The following DNAH12 variants were observed in gnomAD, a reference collection of about 807,000 sequenced individuals.
DNAH12 encodes axonemal beta dynein heavy chain 12.
In DNAH12, 285 loss-of-function variants were observed where a neutral mutation model predicts 371.5. That is an observed-to-expected ratio of 0.77 (90% CI 0.70 to 0.85). The LOEUF is 0.85. DNAH12 is among the 40% of genes least tolerant of loss of function. DNAH12 has a pLI of 0.00. For missense variants in DNAH12, 3,611 were observed against 3,689.4 expected (o/e 0.98, Z 0.55); for synonymous variants, 1,200 against 1,213.0 (o/e 0.99, Z 0.22).
At chr3:57,323,382 T>TA in intron 63 of DNAH12, 87 bp downstream of exon 63, 2 of 1,467,852 alleles carry the variant, frequency 1.4e-6, no homozygotes, top group Non-Finnish European at 1.8e-6. Context: ...TCAGATTTAC[T>TA]AACTGATTTA....
At chr3:57,543,315 G>GTTTT (rs5849214) in intron 1 of DNAH12, among the ~76,000 whole-genome samples, 7,249 of 70,270 alleles carry the variant, frequency 0.1, 874 homozygotes, top group African/African-American at 0.12. Context: ...ATCATTAATG[G>GTTTT]TTTTTTTTTT....
intron 11 of DNAH12, among the ~76,000 whole-genome samples, chr3:57,495,872 T>C (rs1233330707): frequency 6.9e-6 from 1 of 143,886 alleles, no homozygotes; most frequent in South Asian, 2.1e-4. Context: ...TATAAATATA[T>C]ATTTTTAAAA....
chr3:57,519,944 T>G (rs930933590), intron 4 of DNAH12: 37 of 885,028 alleles, frequency 4.2e-5, no homozygotes, highest in Non-Finnish European at 6.9e-5. Context: ...CCTCCCGACT[T>G]GGAGCCTGCG....
intron 60 of DNAH12, among the ~76,000 whole-genome samples, chr3:57,336,361 C>T (rs1553653706): frequency 6.6e-6 from 1 of 152,026 alleles, no homozygotes; most frequent in Non-Finnish European, 1.5e-5. Flanking sequence ...TTATCATAAA[C>T]ATGCTGAAGG....
intron 23 of DNAH12, 122 bp from the exon 24 acceptor site, chr3:57,453,525 G>A (rs2065817907): frequency 2.3e-6 from 2 of 863,328 alleles, no homozygotes; most frequent in Non-Finnish European, 3.2e-6. Context: ...ATAGAAATGA[G>A]TTCAAGCGTG....
chr3:57,350,661 A>C (rs1321398145), intron 60 of DNAH12, among the ~76,000 whole-genome samples: 2 of 152,222 alleles, frequency 1.3e-5, no homozygotes, highest in Non-Finnish European at 2.9e-5. Flanking sequence ...GATTATATTA[A>C]AATTAAGAAC....
intron 6 of DNAH12, 98 bp downstream of exon 6, chr3:57,509,042 T>C: frequency 9.4e-7 from 1 of 1,064,468 alleles, no homozygotes; most frequent in Non-Finnish European, 1.4e-6. Flanking sequence ...TCAAAATACC[T>C]TTGAGCATCA....
intron 73 of DNAH12, 73 bp downstream of exon 73, chr3:57,295,452 T>A: frequency 7.8e-7 from 1 of 1,288,436 alleles, no homozygotes; most frequent in Non-Finnish European, 1.1e-6. Flanking sequence ...AAAACTTATT[T>A]TGGGGAGCAG....
At chr3:57,369,044 TA>T (rs1400736460) in intron 55 of DNAH12, among the ~76,000 whole-genome samples, 3 of 149,222 alleles carry the variant, frequency 2.0e-5, no homozygotes, top group Admixed American at 6.7e-5. Flanking sequence ...CCGTCTCTAC[TA>T]AAAAAAAAGT....
At chr3:57,523,479 A>T in intron 4 of DNAH12, 104 bp downstream of exon 4, 1 of 926,524 alleles carries the variant, frequency 1.1e-6, no homozygotes, top group Non-Finnish European at 1.6e-6. Context: ...TTCTAAATTT[A>T]TTTATTTTCT....
intron 51 of DNAH12, 91 bp from the exon 52 acceptor site, chr3:57,379,389 TA>T (rs2063341461): frequency 1.3e-5 from 2 of 152,308 alleles, no homozygotes; most frequent in African/African-American, 2.4e-5. Context: ...AACATTTATA[TA>T]AAAAAGTTAA....
upstream of DNAH12, among the ~76,000 whole-genome samples, chr3:57,545,161 CTTT>C (rs573945458): frequency 7.3e-5 from 10 of 136,560 alleles, no homozygotes; most frequent in African/African-American, 8.1e-5. Context: ...AATAATGTGA[CTTT>C]TTTTTTTTTT....
chr3:57,401,952 AATAAC>A (rs1223559459), intron 43 of DNAH12, among the ~76,000 whole-genome samples: 1 of 152,242 alleles, frequency 6.6e-6, no homozygotes, highest in Non-Finnish European at 1.5e-5. Context: ...ATATGCTAAA[AATAAC>A]ATAGCTAACA....
intron 38 of DNAH12, 23 bp from the exon 39 acceptor site, chr3:57,413,935 T>C (rs1301968248): frequency 1.1e-5 from 17 of 1,535,874 alleles, no homozygotes; most frequent in Non-Finnish European, 1.4e-5. Context: ...GGAAGAATGG[T>C]ATATTTACCT....
intron 60 of DNAH12, among the ~76,000 whole-genome samples, chr3:57,338,317 T>C (rs2062283629): frequency 6.6e-6 from 1 of 152,226 alleles, no homozygotes; most frequent in Admixed American, 6.5e-5. Flanking sequence ...TAGTGCTCAA[T>C]GTTGCCCAGG....
In DNAH12 at chr3:57,409,069, G is replaced by C. The variant is rs533046870; in HGVS notation, c.6021-534C>G. Reference sequence around the variant, plus strand: ...CATCTCAAACTGTATCTTCAGAGTGGATAAAGATGTCTAAATAGGATCTAT... The same window carrying C: ...CATCTCAAACTGTATCTTCAGAGTGCATAAAGATGTCTAAATAGGATCTAT... On this transcript the variant is annotated intron_variant, in intron 39 of 73. Coordinates refer to ENST00000495027, the MANE Select transcript of DNAH12 (RefSeq NM_001366028.2). Among the ~76,000 whole-genome samples, 222 of 152,130 alleles carry C rather than the reference G, an allele frequency of 1.5e-3. 1 individual carries two copies. The highest frequency in any genetic ancestry group is 2.7e-3 in the Non-Finnish European group (184 of 68,030).
chr3:57,315,648 G>A (rs2061669135), intron 65 of DNAH12, among the ~76,000 whole-genome samples: 1 of 152,032 alleles, frequency 6.6e-6, no homozygotes, highest in African/African-American at 2.4e-5. Context: ...GCGGGTGAAG[G>A]TGGGTGTATG....
rs982035337 is a variant in DNAH12, at chr3:57,523,859, C to T, written c.196G>A (p.Asp66Asn). ...GGTGTTCTTTTACCCAGTGTTCTGT[C>T]TAAATTTCTTTTGGCTCCATCAATT... Reference protein sequence around the residue: ...LVIDGAKRNLDRTLGKRTPLL... With the variant: ...LVIDGAKRNLNRTLGKRTPLL... The change falls in exon 3 of 74, where the codon GAC (aspartate) becomes AAC (asparagine). Residue 66 changes from aspartate (D) to asparagine (N), a missense_variant. Asp to Asn is a conservative substitution (Grantham distance 23). Coordinates refer to ENST00000495027, the MANE Select transcript of DNAH12 (RefSeq NM_001366028.2). 6.2e-7 allele frequency: 1 copy of T among 1,604,884 alleles called. No individual in the cohort carries two copies. The highest frequency in any genetic ancestry group is 8.5e-7 in the Non-Finnish European group (1 of 1,176,398).
chr3:57,508,624 GTA>G, intron 6 of DNAH12, 84 bp from the exon 7 acceptor site: 1 of 1,450,290 alleles, frequency 6.9e-7, no homozygotes, highest in Non-Finnish European at 9.1e-7. Context: ...CATGAAATTA[GTA>G]TTGAAGTGAG....
Sources: gnomAD v4.1 joint callset for allele counts (sites outside exome capture counted in the v4.1 genomes callset) on GRCh38, gnomAD v4.1.1 for gene constraint, MANE v1.5 for transcripts, NCBI Gene and HGNC (gene_info 2026-07-23, HGNC 2026-07-21) for gene names.